Variants in RPL17 observed in about 807,000 individuals in gnomAD.
RPL17 encodes large ribosomal subunit protein uL22.
In RPL17, 2 loss-of-function variants were observed where a neutral mutation model predicts 27.7. That is an observed-to-expected ratio of 0.07 (90% CI 0.03 to 0.23). The LOEUF is 0.23. RPL17 is among the 10% of genes least tolerant of loss of function. The pLI is 1.00. For synonymous variants in RPL17, 76 were observed against 75.5 expected, an observed-to-expected ratio of 1.01 and a Z score of -0.03; for missense variants, 141 against 238.8, an observed-to-expected ratio of 0.59 and a Z score of 2.70.
At chr18:49,489,861 A>G (rs1310788120) in intron 5 of RPL17, among the ~76,000 whole-genome samples, 1 of 152,224 alleles carries the variant, frequency 6.6e-6, no homozygotes, top group Non-Finnish European at 1.5e-5. Flanking sequence ...AGTCTTGATG[A>G]TAAAATTTCT....
intron 3 of RPL17, 122 bp from the exon 4 acceptor site, chr18:49,491,049 G>A: frequency 6.7e-7 from 1 of 1,486,942 alleles, no homozygotes; most frequent in Non-Finnish European, 9.0e-7. Flanking sequence ...TGGGGGCAAG[G>A]CAATTAAAAA....
Position 49,490,790 on chromosome 18 carries a change from C to T in RPL17, c.216+3G>A. The T allele has an allele frequency of 1.2e-6, 2 of 1,612,620 alleles. No individual in the cohort carries two copies. The highest frequency in any genetic ancestry group is 1.7e-6 in the Non-Finnish European group (2 of 1,179,718). On this transcript the variant is annotated splice_donor_region_variant and intron_variant, in intron 4 of 6. Transcript: ENST00000580261. ...TTTTCAAATGGCAACTAAGAATTCT[C>T]ACCTGCGCACACCTGCCAACTCCAC...
chr18:49,491,285 T>C (rs2084051720), intron 3 of RPL17, 120 bp downstream of exon 3: 2 of 1,463,274 alleles, frequency 1.4e-6, no homozygotes, highest in Non-Finnish European at 1.9e-6. Flanking sequence ...ATAAGGTGGC[T>C]GCTCAGAATT....
intron 6 of RPL17, 131 bp downstream of exon 6, chr18:49,489,228 A>G (rs2083879294): frequency 4.1e-6 from 4 of 985,226 alleles, no homozygotes; most frequent in Non-Finnish European, 5.8e-6. Context: ...AAAAGCCAAA[A>G]TAAGACAGGT....
At chr18:49,490,395 A>G (rs2148820968) in intron 5 of RPL17, 59 bp downstream of exon 5, 1 of 1,566,078 alleles carries the variant, frequency 6.4e-7, no homozygotes, top group East Asian at 2.2e-5. Flanking sequence ...ATAAATCTGA[A>G]CAGCCAACAT....
At chr18:49,489,624 A>G (rs1366795289) in intron 5 of RPL17, 74 bp from the exon 6 acceptor site, 1 of 1,484,304 alleles carries the variant, frequency 6.7e-7, no homozygotes, top group Non-Finnish European at 9.2e-7. Context: ...ATCATTGCTA[A>G]ATATGAATTC....
intron 3 of RPL17, 114 bp from the exon 4 acceptor site, chr18:49,491,041 G>C (rs2148823254): frequency 6.6e-7 from 1 of 1,512,454 alleles, no homozygotes; most frequent in Non-Finnish European, 8.9e-7. Context: ...CTATTCTTTG[G>C]GGGCAAGGCA....
chr18:49,489,307 A>G, intron 6 of RPL17, 52 bp downstream of exon 6: 2 of 1,596,280 alleles, frequency 1.3e-6, no homozygotes, highest in Non-Finnish European at 1.7e-6. Context: ...TCATCACAGC[A>G]ACCACAAATC....
chr18:49,491,612 C>T, intron 1 of RPL17, 28 bp from the exon 2 acceptor site: 2 of 1,612,230 alleles, frequency 1.2e-6, no homozygotes, highest in Non-Finnish European at 1.7e-6. Context: ...GTAATTCTGT[C>T]AATACGTACT....
chr18:49,491,614 A>C, intron 1 of RPL17, 30 bp from the exon 2 acceptor site: 1 of 1,611,276 alleles, frequency 6.2e-7, no homozygotes, highest in Admixed American at 1.7e-5. Context: ...AATTCTGTCA[A>C]TACGTACTTA....
At chr18:49,488,703 G>A (rs990499507) in intron 6 of RPL17, 137 bp from the exon 7 acceptor site, 2 of 632,798 alleles carry the variant, frequency 3.2e-6, no homozygotes, top group East Asian at 2.8e-5. Context: ...GAAATCAACA[G>A]AACTTAAGTT....
At chr18:49,491,136 G>T in intron 3 of RPL17, 1 of 913,220 alleles carries the variant, frequency 1.1e-6, no homozygotes, top group Non-Finnish European at 1.7e-6. Flanking sequence ...ACTATAAAAC[G>T]TTTAAATTCC....
chr18:49,490,822 A>G lies in RPL17; in HGVS notation c.187T>C (p.Tyr63His). ...LQKQCVPFRR[Y>H]NGGVGRCAQA... ...GCACACCTGCCAACTCCACCATTGT[A>G]ACGTCGGAATGGTACACACTGTTTC... Residue 63 changes from tyrosine to histidine, a missense_variant, in exon 4 of 7, where the codon TAC becomes CAC. Physicochemically the swap from Tyr to His is moderately conservative, Grantham distance 83. Coordinates refer to ENST00000580261, the MANE Select transcript of RPL17 (RefSeq NM_001035006.5). 6.2e-7 allele frequency: 1 copy of G among 1,613,112 alleles called. No individual in the cohort carries two copies. The highest frequency in any genetic ancestry group is 8.5e-7 in the Non-Finnish European group (1 of 1,179,882).
At chr18:49,491,099 G>C in intron 3 of RPL17, 172 bp from the exon 4 acceptor site, 1 of 1,098,810 alleles carries the variant, frequency 9.1e-7, no homozygotes, top group Non-Finnish European at 1.3e-6. Context: ...GTTGAAGCTA[G>C]AGAAAACTCC....
chr18:49,489,533 A>G lies in RPL17; in HGVS notation c.333T>C (p.Ser111=), dbSNP rs769837108. The change falls in exon 6 of 7, where the codon TCT becomes TCC. Residue 111 remains serine (S), a synonymous_variant. Coordinates refer to ENST00000580261, the MANE Select transcript of RPL17 (RefSeq NM_001035006.5). ...TCACTTGGATATGCTCAATGACCAG[A>G]GAATCTACATCTAAACCCTGGGGAA... The part of the protein sequence containing the change: ...NAELKGLDVD[S]LVIEHIQVNK... 51 of 1,600,336 alleles carry G rather than the reference A, an allele frequency of 3.2e-5. No individual in the cohort carries two copies. Among genetic ancestry groups the G allele is most frequent in the Non-Finnish European group, 3.8e-5 (45 of 1,179,856 alleles).
At chr18:49,491,096 C>G (rs1409002798) in intron 3 of RPL17, 169 bp from the exon 4 acceptor site, 2 of 1,098,230 alleles carry the variant, frequency 1.8e-6, no homozygotes, top group East Asian at 4.7e-5. Context: ...TTCGTTGAAG[C>G]TAGAGAAAAC....
intron 1 of RPL17, 142 bp from the exon 2 acceptor site, chr18:49,491,726 G>T (rs754566057): frequency 1.1e-5 from 12 of 1,084,534 alleles, no homozygotes; most frequent in African/African-American, 1.5e-5. Flanking sequence ...TGCCATCATC[G>T]CAGCCATACT....
At chr18:49,490,227 C>G (rs535435479) in intron 5 of RPL17, 2 of 511,056 alleles carry the variant, frequency 3.9e-6, no homozygotes, top group Admixed American at 7.0e-5. Context: ...AAGTGTTAGG[C>G]TTAAAGAGAC....
chr18:49,490,626 A>T, intron 4 of RPL17, 74 bp from the exon 5 acceptor site: 2 of 1,605,094 alleles, frequency 1.2e-6, no homozygotes, highest in East Asian at 4.5e-5. Context: ...AATTTATCTG[A>T]TATCACGGTT....
Sources: allele counts gnomAD v4.1 joint callset (sites outside exome capture counted in the v4.1 genomes callset), GRCh38; gene constraint gnomAD v4.1.1; transcripts MANE v1.5; gene names NCBI Gene and HGNC (gene_info 2026-07-23, HGNC 2026-07-21).